KAT6B: variants seen among roughly 807,000 people sequenced by gnomAD.
KAT6B encodes the protein histone acetyltransferase KAT6B.
KAT6B carries 10 observed loss-of-function variants against 187.5 expected under a neutral mutation model. The ratio of observed to expected loss-of-function variants is 0.05; its 90% CI spans 0.03 to 0.09. The LOEUF (loss-of-function observed/expected upper bound fraction) is 0.09. Among genes scored for constraint, KAT6B ranks in the 10% least tolerant of loss-of-function variants. KAT6B has a pLI of 1.00. For synonymous variants in KAT6B, 861 were observed against 926.8 expected, an observed-to-expected ratio of 0.93 and a Z score of 1.29; for missense variants, 1,952 against 2,558.9, an observed-to-expected ratio of 0.76 and a Z score of 5.12.
chr10:75,005,291 C>T (rs1844129958), intron 13 of KAT6B, among the ~76,000 whole-genome samples: 1 of 151,568 alleles, frequency 6.6e-6, no homozygotes, highest in Non-Finnish European at 1.5e-5. Context: ...GATCTCAGCT[C>T]ACTGCAGCCT....
chr10:74,905,569 T>C (rs980310185), intron 3 of KAT6B, among the ~76,000 whole-genome samples: 3 of 152,116 alleles, frequency 2.0e-5, no homozygotes, highest in Non-Finnish European at 4.4e-5. Context: ...CTAGGGTAAA[T>C]CCTCATTCCC....
At chr10:74,966,880 A>G (rs1183528999) in intron 4 of KAT6B, among the ~76,000 whole-genome samples, 2 of 152,032 alleles carry the variant, frequency 1.3e-5, no homozygotes, top group South Asian at 2.1e-4. Flanking sequence ...ATACAAAACA[A>G]TTAGCCGGGC....
intron 17 of KAT6B, among the ~76,000 whole-genome samples, chr10:75,027,631 A>T (rs1004517754): frequency 6.6e-6 from 1 of 151,944 alleles, no homozygotes; most frequent in Admixed American, 6.6e-5. Flanking sequence ...GCTTGTATAA[A>T]TATGTACATA....
chr10:74,935,502 G>T (rs991749914), intron 3 of KAT6B, among the ~76,000 whole-genome samples: 1 of 152,052 alleles, frequency 6.6e-6, no homozygotes, highest in Non-Finnish European at 1.5e-5. Flanking sequence ...ATCTTGCTAT[G>T]TTGTTGCTCA....
chr10:74,947,258 C>G (rs1840015523), intron 3 of KAT6B, among the ~76,000 whole-genome samples: 2 of 152,114 alleles, frequency 1.3e-5, no homozygotes, highest in South Asian at 4.1e-4. Flanking sequence ...CAAAAAAGTA[C>G]TGGAATTATA....
At chr10:74,979,081 G>T in intron 9 of KAT6B, 143 bp from the exon 10 acceptor site, 1 of 650,808 alleles carries the variant, frequency 1.5e-6, no homozygotes, top group Admixed American at 2.4e-5. Flanking sequence ...ATTTCATAAG[G>T]GTCTATAGTG....
intron 3 of KAT6B, among the ~76,000 whole-genome samples, chr10:74,944,492 T>C (rs1177465486): frequency 2.6e-5 from 4 of 152,182 alleles, no homozygotes; most frequent in Non-Finnish European, 4.4e-5. Flanking sequence ...ATTAAGCACA[T>C]GAACAACGTC....
intron 13 of KAT6B, among the ~76,000 whole-genome samples, chr10:75,015,090 A>G (rs1181990788): frequency 6.6e-6 from 1 of 152,202 alleles, no homozygotes; most frequent in African/African-American, 2.4e-5. Flanking sequence ...GGTCTGAGAT[A>G]GGTTCTGAGA....
At chr10:75,026,405 A>T (rs1845840125) in intron 17 of KAT6B, among the ~76,000 whole-genome samples, 1 of 152,166 alleles carries the variant, frequency 6.6e-6, no homozygotes, top group African/African-American at 2.4e-5. Flanking sequence ...TCCCTGGCCA[A>T]GATGACTCTA....
intron 3 of KAT6B, among the ~76,000 whole-genome samples, chr10:74,913,034 A>G (rs1384371435): frequency 6.6e-6 from 1 of 152,208 alleles, no homozygotes; most frequent in African/African-American, 2.4e-5. Context: ...AATAAGTGTC[A>G]AGTGAAGTAT....
chr10:74,897,673 A>G (rs1019347446), intron 3 of KAT6B, among the ~76,000 whole-genome samples: 3 of 152,224 alleles, frequency 2.0e-5, no homozygotes, highest in African/African-American at 7.2e-5. Context: ...AGTGAACTTC[A>G]TCCAATAGAT....
intron 3 of KAT6B, among the ~76,000 whole-genome samples, chr10:74,926,497 T>A (rs1273384599): frequency 6.6e-6 from 1 of 152,182 alleles, no homozygotes; most frequent in Non-Finnish European, 1.5e-5. Context: ...TGTATCCATA[T>A]TGCCTACAGG....
At chr10:74,923,173 A>G (rs1365916802) in intron 3 of KAT6B, among the ~76,000 whole-genome samples, 1 of 152,252 alleles carries the variant, frequency 6.6e-6, no homozygotes. Context: ...AGACAACTTT[A>G]TCAATGAGTC....
At chr10:74,868,463 T>C (rs1423639351) in intron 3 of KAT6B, among the ~76,000 whole-genome samples, 2 of 152,252 alleles carry the variant, frequency 1.3e-5, no homozygotes, top group Non-Finnish European at 2.9e-5. Flanking sequence ...ATTGTATGGC[T>C]CATTTCTCTT....
At chr10:74,927,992 T>G (rs1456513826) in intron 3 of KAT6B, among the ~76,000 whole-genome samples, 1 of 152,236 alleles carries the variant, frequency 6.6e-6, no homozygotes, top group Non-Finnish European at 1.5e-5. Context: ...ATGGTCTACC[T>G]GGCATATTAT....
chr10:74,936,178 G>A lies in KAT6B; in HGVS notation c.622-23792G>A, dbSNP rs1411684945. ...AGCACTTTGGGAGGCCAAGGCAGGC[G>A]AATCATGAGGTCAGGAGTTTGAGAC... On this transcript the variant is annotated intron_variant, in intron 3 of 17. Transcript: ENST00000287239. Among the ~76,000 whole-genome samples the A allele has an allele frequency of 2.0e-5, 3 of 152,020 alleles. No homozygotes were observed. The East Asian group carries it at 5.8e-4, about 29-fold the overall frequency.
intron 1 of KAT6B, among the ~76,000 whole-genome samples, chr10:74,832,699 C>T (rs1241693455): frequency 6.6e-6 from 1 of 151,916 alleles, no homozygotes; most frequent in African/African-American, 2.4e-5. Context: ...GGGGTTTCAC[C>T]ATGTTGGCCG....
At chr10:74,888,700 T>C (rs180749624) in intron 3 of KAT6B, among the ~76,000 whole-genome samples, 32 of 152,306 alleles carry the variant, frequency 2.1e-4, no homozygotes, top group Admixed American at 1.6e-3. Context: ...TACTTTTAAT[T>C]TGGTAATTTT....
At chr10:74,938,973 G>T (rs1048402274) in intron 3 of KAT6B, among the ~76,000 whole-genome samples, 1 of 151,978 alleles carries the variant, frequency 6.6e-6, no homozygotes, top group Non-Finnish European at 1.5e-5. Context: ...CTGACCTCAG[G>T]TGATCTGCTC....
Sources: gnomAD v4.1 joint callset for allele counts (sites outside exome capture counted in the v4.1 genomes callset) on GRCh38, gnomAD v4.1.1 for gene constraint, MANE v1.5 for transcripts, NCBI Gene and HGNC (gene_info 2026-07-23, HGNC 2026-07-21) for gene names.